The following SCAPER variants were observed in gnomAD, a reference collection of about 807,000 sequenced individuals.
SCAPER encodes S phase cyclin A-associated protein in the endoplasmic reticulum.
SCAPER carries 98 observed loss-of-function variants against 182.2 expected under a neutral mutation model. The observed-to-expected ratio is 0.54, with a 90% CI of 0.46 to 0.64. The LOEUF is 0.64. Ranked by LOEUF, SCAPER falls within the 30% of genes least tolerant of loss-of-function variation. SCAPER has a pLI of 0.00. For missense variants in SCAPER, 1,432 were observed against 1,690.0 expected, an observed-to-expected ratio of 0.85 and a Z score of 2.68; for synonymous variants, 605 against 564.6, an observed-to-expected ratio of 1.07 and a Z score of -1.01.
chr15:76,517,352 CTT>C (rs780568492), intron 23 of SCAPER, among the ~76,000 whole-genome samples: 44 of 138,340 alleles, frequency 3.2e-4, no homozygotes, highest in Admixed American at 4.4e-4. Flanking sequence ...ATATTAACAT[CTT>C]TTTTTTTTTT....
intron 2 of SCAPER, among the ~76,000 whole-genome samples, chr15:76,876,142 T>G (rs988355691): frequency 2.0e-5 from 3 of 152,132 alleles, no homozygotes; most frequent in Admixed American, 6.5e-5. Context: ...CATCAGGAAC[T>G]CTAGCTGGCC....
At chr15:76,708,467 GA>G (rs761809815) in intron 17 of SCAPER, among the ~76,000 whole-genome samples, 11 of 146,020 alleles carry the variant, frequency 7.5e-5, no homozygotes, top group Middle Eastern at 3.6e-3. Context: ...GGTGGGGCAG[GA>G]AAAAAAAAGA....
intron 23 of SCAPER, among the ~76,000 whole-genome samples, chr15:76,538,847 C>A (rs1335680463): frequency 6.6e-6 from 1 of 152,074 alleles, no homozygotes; most frequent in African/African-American, 2.4e-5. Flanking sequence ...GTTATTTGAT[C>A]TCCACGTCAG....
chr15:76,682,415 GCC>G (rs946445109), intron 20 of SCAPER, among the ~76,000 whole-genome samples: 2 of 151,964 alleles, frequency 1.3e-5, no homozygotes, highest in African/African-American at 4.8e-5. Context: ...GACATTGGCG[GCC>G]CCATGCCCAT....
At chr15:76,353,410 T>C (rs1438155975) in intron 30 of SCAPER, among the ~76,000 whole-genome samples, 1 of 152,232 alleles carries the variant, frequency 6.6e-6, no homozygotes, top group Non-Finnish European at 1.5e-5. Flanking sequence ...GATGTGGAAA[T>C]AGTACTTTGC....
intron 21 of SCAPER, among the ~76,000 whole-genome samples, chr15:76,654,345 T>C (rs2055433600): frequency 6.6e-6 from 1 of 151,188 alleles, no homozygotes; most frequent in Non-Finnish European, 1.5e-5. Context: ...GAGGCGGAGC[T>C]TGCAGTGAGC....
chr15:76,358,471 A>G (rs1219218160), intron 29 of SCAPER, among the ~76,000 whole-genome samples: 1 of 152,236 alleles, frequency 6.6e-6, no homozygotes, highest in Non-Finnish European at 1.5e-5. Context: ...ACAGTTCTGG[A>G]GGCTGCAAGT....
chr15:76,583,837 T>A (rs546596808), intron 22 of SCAPER, among the ~76,000 whole-genome samples: 32 of 152,310 alleles, frequency 2.1e-4, no homozygotes, highest in African/African-American at 7.7e-4. Flanking sequence ...TATAAATTAG[T>A]AAAACCACTA....
chr15:76,551,932 G>A (rs940535261), intron 23 of SCAPER, among the ~76,000 whole-genome samples: 1 of 151,946 alleles, frequency 6.6e-6, no homozygotes, highest in Non-Finnish European at 1.5e-5. Flanking sequence ...TCTTTGGCCT[G>A]GGAGGCCTAG....
intron 25 of SCAPER, among the ~76,000 whole-genome samples, chr15:76,449,014 G>T (rs1263880267): frequency 6.6e-6 from 1 of 152,150 alleles, no homozygotes; most frequent in Non-Finnish European, 1.5e-5. Flanking sequence ...CATAATTTTT[G>T]GCAAAGTTTG....
chr15:76,849,978 C>T (rs2151823994), intron 4 of SCAPER, among the ~76,000 whole-genome samples: 1 of 152,152 alleles, frequency 6.6e-6, no homozygotes, highest in East Asian at 1.9e-4. Context: ...TCTCATGAGA[C>T]TCACTCACTA....
At chr15:76,840,633 T>G (rs1191582016) in intron 5 of SCAPER, among the ~76,000 whole-genome samples, 1 of 152,196 alleles carries the variant, frequency 6.6e-6, no homozygotes, top group African/African-American at 2.4e-5. Context: ...CTTTAACCCC[T>G]CATATATTTC....
rs367941062 is a variant in SCAPER, at chr15:76,619,633, C to G, written c.2711+2131G>C. On this transcript the variant is annotated intron_variant, in intron 22 of 31. Transcript: ENST00000563290. ...CTTTAAGTTTTAGGGTACATGTGCA[C>G]AATGTGCAGGTTAGTTACATATGTA... Among the ~76,000 whole-genome samples the G allele has an allele frequency of 1.9e-4, 29 of 152,004 alleles. 1 individual carries two copies. The East Asian group carries it at 2.7e-3, about 14-fold the overall frequency.
chr15:76,693,400 C>T (rs1242753303), intron 20 of SCAPER, among the ~76,000 whole-genome samples: 2 of 152,034 alleles, frequency 1.3e-5, no homozygotes, highest in Non-Finnish European at 2.9e-5. Context: ...ATGTAAACAC[C>T]TCATTAGCTG....
At chr15:76,904,974 C>T (rs1433564803) in intron 1 of SCAPER, among the ~76,000 whole-genome samples, 1 of 152,212 alleles carries the variant, frequency 6.6e-6, no homozygotes, top group Non-Finnish European at 1.5e-5. Flanking sequence ...CCCCCACTCA[C>T]CCCTCAGACC....
At chr15:76,672,570 G>A (rs1178100521) in intron 20 of SCAPER, among the ~76,000 whole-genome samples, 1 of 151,520 alleles carries the variant, frequency 6.6e-6, no homozygotes, top group African/African-American at 2.4e-5. Context: ...AATCATTTAA[G>A]GAATAAAAAC....
intron 22 of SCAPER, among the ~76,000 whole-genome samples, chr15:76,608,095 G>C (rs922838021): frequency 3.3e-5 from 5 of 152,132 alleles, no homozygotes; most frequent in African/African-American, 1.2e-4. Context: ...GAGGCGCTCT[G>C]ATTTTTAGAG....
intron 18 of SCAPER, among the ~76,000 whole-genome samples, chr15:76,703,887 G>A (rs2585728): frequency 0.97 from 147,580 of 152,228 alleles, 71,684 homozygotes; most frequent in East Asian, 1. Flanking sequence ...ACGCATGATA[G>A]ATTTCTAGGA....
At chr15:76,659,140 C>A (rs1248392132) in intron 21 of SCAPER, among the ~76,000 whole-genome samples, 1 of 152,094 alleles carries the variant, frequency 6.6e-6, no homozygotes, top group African/African-American at 2.4e-5. Context: ...AACAGCCAAC[C>A]TACATACTGG....
Sources: gnomAD v4.1 joint callset for allele counts (sites outside exome capture counted in the v4.1 genomes callset) on GRCh38, gnomAD v4.1.1 for gene constraint, MANE v1.5 for transcripts, NCBI Gene and HGNC (gene_info 2026-07-23, HGNC 2026-07-21) for gene names.